TCERG1: variants seen among roughly 807,000 people sequenced by gnomAD.
The protein encoded by TCERG1 is TATA box binding protein (TBP)-associated factor, RNA polymerase II, S, 150kD.
Under a neutral mutation model 144.7 loss-of-function variants are expected in TCERG1, and 37 were observed. The observed-to-expected ratio is 0.26, with a 90% CI of 0.20 to 0.34. The LOEUF is 0.34. Ranked by LOEUF, TCERG1 falls within the 10% of genes least tolerant of loss-of-function variation. The probability of loss-of-function intolerance (pLI) is 1.00; values close to 1 mark genes in which losing one functional copy is unlikely to be tolerated. For missense variants in TCERG1, 1,027 were observed against 1,380.7 expected, an observed-to-expected ratio of 0.74 and a Z score of 4.06; for synonymous variants, 492 against 458.2, an observed-to-expected ratio of 1.07 and a Z score of -0.94.
intron 1 of TCERG1, 60 bp downstream of exon 1, chr5:146,447,468 A>T (rs2150117732): frequency 2.5e-6 from 4 of 1,571,182 alleles, no homozygotes; most frequent in Non-Finnish European, 3.5e-6. Context: ...GCTAGACGCT[A>T]GACCTGCCAT....
chr5:146,456,732 C>T (rs1367503626), intron 2 of TCERG1, among the ~76,000 whole-genome samples: 1 of 152,014 alleles, frequency 6.6e-6, no homozygotes, highest in Non-Finnish European at 1.5e-5. Context: ...CTTTTAAATC[C>T]CTGCTCAAAA....
chr5:146,482,861 A>G (rs1644780878), intron 14 of TCERG1, 134 bp downstream of exon 14: 1 of 1,242,930 alleles, frequency 8.0e-7, no homozygotes, highest in Non-Finnish European at 1.1e-6. Flanking sequence ...ATTACTGTAC[A>G]TTTTTTGCAA....
chr5:146,480,020 TC>T lies in TCERG1; in HGVS notation c.1820-7del, dbSNP rs777707688. The T allele has an allele frequency of 2.6e-5, 41 of 1,596,808 alleles. No individual in the cohort carries two copies. Among genetic ancestry groups the T allele is most frequent in the Non-Finnish European group, 3.4e-5 (40 of 1,171,772 alleles). ...TCCTAAATATTTTAATTAAATTTTG[TC>T]TTATAGTTAAAGAGGAACAAGAATT... On this transcript the variant is annotated splice_polypyrimidine_tract_variant and splice_region_variant and intron_variant, in intron 11 of 22. Coordinates refer to ENST00000679501, the MANE Select transcript of TCERG1 (RefSeq NM_001382548.1).
chr5:146,470,715 T>C lies in TCERG1; in HGVS notation c.1479T>C (p.Asp493=). The change falls in exon 8 of 23, where the codon GAT becomes GAC. Residue 493 remains aspartate (D), a synonymous_variant. Coordinates refer to ENST00000679501, the MANE Select transcript of TCERG1 (RefSeq NM_001382548.1). ...TGCCAATGGAGACGGAGGAGGAGGA[T>C]CCTAAAGAAGAGCCTATAAAGGAGA... ...EPLPMETEEE[D]PKEEPIKEIK... 1 of 1,613,410 alleles carries C rather than the reference T, an allele frequency of 6.2e-7. No individual in the cohort carries two copies. The highest frequency in any genetic ancestry group is 8.5e-7 in the Non-Finnish European group (1 of 1,179,814).
chr5:146,455,276 C>T lies in TCERG1; in HGVS notation c.280C>T (p.Leu94Phe). 1.9e-6 allele frequency: 3 copies of T among 1,614,196 alleles called. No homozygotes were observed. The highest frequency in any genetic ancestry group is 2.5e-6 in the Non-Finnish European group (3 of 1,180,014). Residue 94 changes from leucine to phenylalanine, a missense_variant, in exon 2 of 23, where the codon CTC becomes TTC. By Grantham distance (22) the Leu-to-Phe change is conservative. This residue lies in a region of TCERG1 where 175 missense variants were observed against 197.0 expected (regional missense o/e 0.89). Coordinates refer to ENST00000679501, the MANE Select transcript of TCERG1 (RefSeq NM_001382548.1). Reference sequence around the variant, plus strand: ...ACCTCCACCTATGGGCCCTCCACACCTCCAGGTAAAGAATGTAGAGGTTGC... The same window carrying T: ...ACCTCCACCTATGGGCCCTCCACACTTCCAGGTAAAGAATGTAGAGGTTGC... ...GIPPPMGPPH[L>F]QRPPFMPPPM...
chr5:146,497,004 A>G (rs1766981895), intron 16 of TCERG1, among the ~76,000 whole-genome samples: 1 of 147,628 alleles, frequency 6.8e-6, no homozygotes, highest in Non-Finnish European at 1.5e-5. Context: ...AGTAGCTGGG[A>G]TTACAGGTGC....
intron 9 of TCERG1, among the ~76,000 whole-genome samples, chr5:146,475,931 T>C (rs1764803152): frequency 6.6e-6 from 1 of 152,222 alleles, no homozygotes. Flanking sequence ...GTTTTTAATC[T>C]ATTGCAGTTT....
At chr5:146,491,749 AATTTTTAAGAGTCAGAT>A (rs1766447020) in intron 15 of TCERG1, among the ~76,000 whole-genome samples, 3 of 152,160 alleles carry the variant, frequency 2.0e-5, no homozygotes, top group South Asian at 2.1e-4. Flanking sequence ...GCAGTCAGCA[AATTTTTAAGAGTCAGAT>A]AATTTGTATT....
intron 15 of TCERG1, among the ~76,000 whole-genome samples, chr5:146,485,604 G>A (rs1285538314): frequency 2.0e-5 from 3 of 152,118 alleles, no homozygotes; most frequent in East Asian, 1.9e-4. Context: ...ATAGAATTAC[G>A]TTTGAAAAGA....
At chr5:146,473,075 A>G (rs1764497637) in intron 9 of TCERG1, among the ~76,000 whole-genome samples, 1 of 152,230 alleles carries the variant, frequency 6.6e-6, no homozygotes, top group African/African-American at 2.4e-5. Context: ...AGGCATGTCA[A>G]AAGCCGAGAT....
rs1768130822 is a variant in TCERG1, at chr5:146,507,730, C to T, written c.2962-143C>T. The T allele has an allele frequency of 3.9e-6, 2 of 519,196 alleles. No homozygotes were observed. Among genetic ancestry groups the T allele is most frequent in the Non-Finnish European group, 6.6e-6 (2 of 300,912 alleles). 32.2% of individuals were successfully genotyped at this position (519,196 alleles called of 1,614,324 possible). ...AAAGAAATTGCATTAACGCTGCTTC[C>T]CTGTCCCTAACTAGTCCAGTTACGC... On this transcript the variant is annotated intron_variant, in intron 20 of 22. Transcript: ENST00000679501. The surrounding 1 kb of genome is among the most constrained non-coding windows in gnomAD (Gnocchi z 4.6).
At position 146,469,599 on chromosome 5, in the gene TCERG1, T is replaced by A; in HGVS notation, c.1254T>A (p.Ala418=). The part of the protein sequence containing the change: ...PIVPMIHPQV[A]IAASPATLAG... ...TACCCATGATACATCCCCAGGTTGC[T>A]ATTGCAGCTTCACCTGCTACCTTAG... is the stretch of plus-strand genomic sequence containing the variant. The change falls in exon 7 of 23, where the codon GCT becomes GCA. Residue 418 remains alanine, a synonymous_variant. Coordinates refer to ENST00000679501, the MANE Select transcript of TCERG1 (RefSeq NM_001382548.1). 1 of 1,613,304 alleles carries A rather than the reference T, an allele frequency of 6.2e-7. No homozygotes were observed. Among genetic ancestry groups the A allele is most frequent in the South Asian group, 1.1e-5 (1 of 91,014 alleles).
intron 6 of TCERG1, among the ~76,000 whole-genome samples, chr5:146,468,999 T>C (rs1290372367): frequency 1.3e-5 from 2 of 152,088 alleles, no homozygotes; most frequent in East Asian, 3.9e-4. Flanking sequence ...TTCTAAAAAG[T>C]AGACGAGCTT....
At chr5:146,484,566 C>T (rs1765653334) in intron 15 of TCERG1, among the ~76,000 whole-genome samples, 1 of 148,000 alleles carries the variant, frequency 6.8e-6, no homozygotes, top group African/African-American at 2.4e-5. Context: ...AGAAAATTTA[C>T]AATGTGCCAG....
intron 7 of TCERG1, among the ~76,000 whole-genome samples, 154 bp from the exon 8 acceptor site, chr5:146,470,482 C>T (rs1248244117): frequency 6.6e-6 from 1 of 150,978 alleles, no homozygotes; most frequent in African/African-American, 2.4e-5. Flanking sequence ...TGAAGTTGTG[C>T]ATTACATAAG....
At chr5:146,466,514 C>T (rs1581425428) in intron 5 of TCERG1, among the ~76,000 whole-genome samples, 1 of 152,192 alleles carries the variant, frequency 6.6e-6, no homozygotes, top group Non-Finnish European at 1.5e-5. Context: ...ACATTGGAAT[C>T]ATCCAAAATG....
intron 1 of TCERG1, 90 bp from the exon 2 acceptor site, chr5:146,454,966 C>G (rs10044956): frequency 7.2e-7 from 1 of 1,395,610 alleles, no homozygotes; most frequent in Non-Finnish European, 9.8e-7. Context: ...ACTTAAGAAC[C>G]TTTTAAATTT....
chr5:146,478,769 G>A (rs1392141770), intron 10 of TCERG1, 116 bp downstream of exon 10: 12 of 996,612 alleles, frequency 1.2e-5, no homozygotes, highest in African/African-American at 6.6e-5. Flanking sequence ...AGAAGCATTC[G>A]AAAAAAATAG....
intron 22 of TCERG1, among the ~76,000 whole-genome samples, chr5:146,509,690 CAG>C (rs750909389): frequency 5.9e-4 from 89 of 151,668 alleles, no homozygotes; most frequent in Non-Finnish European, 1.2e-3. Context: ...TTTTTTCCCT[CAG>C]AGGAAAGCAT....
Sources: gnomAD v4.1 joint callset for allele counts (sites outside exome capture counted in the v4.1 genomes callset) on GRCh38, gnomAD v4.1.1 for gene constraint, gnomAD v4.1.1 regional missense constraint, Gnocchi (gnomAD v3.1) non-coding constraint, MANE v1.5 for transcripts, NCBI Gene and HGNC (gene_info 2026-07-23, HGNC 2026-07-21) for gene names.